Variants in TENT4A observed in about 807,000 individuals in gnomAD.
The protein encoded by TENT4A is terminal nucleotidyltransferase 4A, also known as DNA polymerase kappa.
In TENT4A, 7 loss-of-function variants were observed where a neutral mutation model predicts 72.8. That is an observed-to-expected ratio of 0.10 (90% confidence interval 0.05 to 0.18). TENT4A has a LOEUF of 0.18. TENT4A is among the 10% of genes least tolerant of loss of function. The pLI is 1.00. For synonymous variants in TENT4A, 456 were observed against 434.3 expected (o/e 1.05, Z -0.62); for missense variants, 831 against 1,017.7 (o/e 0.82, Z 2.50).
chr5:6,747,262 C>T (rs887638834), intron 7 of TENT4A, among the ~76,000 whole-genome samples: 1 of 152,196 alleles, frequency 6.6e-6, no homozygotes, highest in African/African-American at 2.4e-5. Flanking sequence ...CCTGGGCCTT[C>T]TCCTCTGTGT....
At chr5:6,738,862 T>C (rs1741645991) in intron 3 of TENT4A, 133 bp downstream of exon 3, 1 of 706,818 alleles carries the variant, frequency 1.4e-6, no homozygotes, top group African/African-American at 1.8e-5. Flanking sequence ...AGACTGTGGT[T>C]ACAGAGGGAA....
chr5:6,750,301 G>A (rs541087044), intron 9 of TENT4A, 30 bp from the exon 10 acceptor site: 1 of 1,588,782 alleles, frequency 6.3e-7, no homozygotes, highest in South Asian at 1.1e-5. Flanking sequence ...GTTCTCAGGA[G>A]TTATTAACCA....
intron 4 of TENT4A, among the ~76,000 whole-genome samples, chr5:6,740,500 G>T (rs1044524157): frequency 3.3e-5 from 5 of 152,216 alleles, no homozygotes; most frequent in African/African-American, 1.2e-4. Context: ...GTCAACTTGT[G>T]TGTGATTCAC....
chr5:6,748,977 G>A (rs1211568871), intron 8 of TENT4A, among the ~76,000 whole-genome samples: 1 of 152,156 alleles, frequency 6.6e-6, no homozygotes, highest in Non-Finnish European at 1.5e-5. Context: ...ATCATTCTGT[G>A]GTAGTGGAAA....
At chr5:6,721,658 C>T (rs889653028) in intron 1 of TENT4A, among the ~76,000 whole-genome samples, 1 of 152,170 alleles carries the variant, frequency 6.6e-6, no homozygotes, top group Non-Finnish European at 1.5e-5. Context: ...CACATCTGGG[C>T]CCGGGCGGGG....
intron 7 of TENT4A, among the ~76,000 whole-genome samples, chr5:6,747,714 TTATAA>T (rs1188804434): frequency 2.6e-5 from 4 of 152,302 alleles, no homozygotes; most frequent in Admixed American, 6.5e-5. Flanking sequence ...AATCGTTGAG[TTATAA>T]TATAAATCTA....
Position 6,751,169 on chromosome 5 carries a change from G to T in TENT4A, c.1991G>T (p.Arg664Ile). Residue 664 changes from arginine to isoleucine, a missense_variant, in exon 11 of 13, where the codon AGA (arginine) becomes ATA (isoleucine). Physicochemically the swap from Arg to Ile is moderately conservative, Grantham distance 97. Around this residue, in one of 3 missense-constraint regions of TENT4A, gnomAD observed 332 missense variants for 324.3 expected, o/e 1.02. Coordinates refer to ENST00000230859, the MANE Select transcript of TENT4A (RefSeq NM_006999.6). ...GGCAAACCTCAGCCCACCACTTCCA[G>T]AACACTGATCATGACAACCAACAAT... ...PSGKPQPTTS[R>I]TLIMTTNNQT... The T allele has an allele frequency of 6.2e-7, 1 of 1,614,222 alleles. No homozygotes were observed. Among genetic ancestry groups the T allele is most frequent in the South Asian group, 1.1e-5 (1 of 91,086 alleles).
rs948140627 is a variant in TENT4A, at chr5:6,755,089, G to A, written c.*144G>A. 2.8e-5 allele frequency: 17 copies of A among 612,284 alleles called. No homozygotes were observed. The highest frequency in any genetic ancestry group is 1.2e-4 in the East Asian group (4 of 33,554). The allele number at this position is 612,284 out of a possible 1,614,324, so 37.9% of individuals were successfully genotyped here. On this transcript the variant is annotated 3_prime_UTR_variant, in exon 13 of 13. Coordinates refer to ENST00000230859, the MANE Select transcript of TENT4A (RefSeq NM_006999.6). Reference sequence around the variant, plus strand: ...CGCTGATCACTCTGCATGTTTCTTCGTGTGGTGGTCGCGTCCATCTTCAAG... The same window carrying A: ...CGCTGATCACTCTGCATGTTTCTTCATGTGGTGGTCGCGTCCATCTTCAAG...
intron 6 of TENT4A, among the ~76,000 whole-genome samples, chr5:6,744,074 T>A (rs1741957772): frequency 6.6e-6 from 1 of 152,220 alleles, no homozygotes; most frequent in Non-Finnish European, 1.5e-5. Context: ...TCTGGTTCTG[T>A]GAGTCCAGTG....
chr5:6,746,877 T>C (rs1742133199), intron 7 of TENT4A, among the ~76,000 whole-genome samples: 1 of 152,220 alleles, frequency 6.6e-6, no homozygotes, highest in Non-Finnish European at 1.5e-5. Flanking sequence ...GGCTTTTGAC[T>C]TAACGCTTAC....
intron 7 of TENT4A, among the ~76,000 whole-genome samples, chr5:6,746,743 C>T (rs1742121672): frequency 6.6e-6 from 1 of 152,278 alleles, no homozygotes; most frequent in African/African-American, 2.4e-5. Context: ...ATAGAAAAAC[C>T]ATGGATGCCA....
chr5:6,734,457 C>T (rs1187124347), intron 1 of TENT4A, among the ~76,000 whole-genome samples: 5 of 152,340 alleles, frequency 3.3e-5, no homozygotes, highest in Admixed American at 6.5e-5. Flanking sequence ...GTCCTGGAGT[C>T]GTGCGGCACC....
chr5:6,753,328 C>G (rs535522906), intron 12 of TENT4A, among the ~76,000 whole-genome samples: 29 of 152,344 alleles, frequency 1.9e-4, no homozygotes, highest in African/African-American at 6.0e-4. Context: ...GAAGACTTTT[C>G]CCATTTACAT....
intron 1 of TENT4A, among the ~76,000 whole-genome samples, chr5:6,735,596 G>A (rs761392139): frequency 6.6e-6 from 1 of 152,188 alleles, no homozygotes; most frequent in Non-Finnish European, 1.5e-5. Flanking sequence ...TGGTAGAAAA[G>A]TGTGTAGTTG....
At chr5:6,745,165 T>C (rs1171792540) in intron 6 of TENT4A, among the ~76,000 whole-genome samples, 3 of 152,304 alleles carry the variant, frequency 2.0e-5, no homozygotes, top group African/African-American at 7.2e-5. Flanking sequence ...GGATATGTGA[T>C]TTTGGCTAAA....
chr5:6,746,077 G>A (rs375330770), intron 6 of TENT4A, 137 bp from the exon 7 acceptor site: 13 of 1,516,386 alleles, frequency 8.6e-6, no homozygotes, highest in African/African-American at 4.2e-5. Context: ...AGGCTTCCTC[G>A]TGGTGCTGGT....
At chr5:6,742,700 T>TCCTGATC in intron 5 of TENT4A, 103 bp downstream of exon 5, 1 of 714,708 alleles carries the variant, frequency 1.4e-6, no homozygotes, top group Non-Finnish European at 2.6e-6. Flanking sequence ...CACACAAGTC[T>TCCTGATC]TTCGTAACAC....
chr5:6,714,763 TGCAGACA>T (rs1438837432), intron 1 of TENT4A, 64 bp downstream of exon 1: 229 of 936,908 alleles, frequency 2.4e-4, no homozygotes, highest in Non-Finnish European at 2.8e-4. Context: ...GCGCCCGCGG[TGCAGACA>T]CCCGTCCCAG....
At chr5:6,741,778 C>T (rs2126640103) in intron 4 of TENT4A, among the ~76,000 whole-genome samples, 1 of 152,284 alleles carries the variant, frequency 6.6e-6, no homozygotes, top group East Asian at 1.9e-4. Context: ...TTGAACTTTT[C>T]GTTAGACACT....
Sources: allele counts gnomAD v4.1 joint callset (sites outside exome capture counted in the v4.1 genomes callset), GRCh38; gene constraint gnomAD v4.1.1; regional missense constraint gnomAD v4.1.1; transcripts MANE v1.5; gene names NCBI Gene and HGNC (gene_info 2026-07-23, HGNC 2026-07-21).